WDR31: variants seen among roughly 807,000 people sequenced by gnomAD.
WDR31 encodes the protein WD repeat domain 31, also known as WD repeat-containing protein 31.
WDR31 carries 30 observed loss-of-function variants against 47.3 expected under a neutral mutation model. The ratio of observed to expected loss-of-function variants is 0.63; its 90% CI spans 0.47 to 0.86. The LOEUF is 0.86. Among genes scored for constraint, WDR31 ranks in the 40% least tolerant of loss-of-function variants. The pLI is 0.00. For synonymous variants in WDR31, 137 were observed against 159.4 expected, an observed-to-expected ratio of 0.86 and a Z score of 1.06; for missense variants, 406 against 442.9, an observed-to-expected ratio of 0.92 and a Z score of 0.75.
Position 113,313,702 on chromosome 9 carries a change from C to G in WDR31, c.*3047G>C, listed in dbSNP as rs1407025238. On this transcript the variant is annotated 3_prime_UTR_variant, in exon 11 of 11. Transcript: ENST00000374193. Reference sequence around the variant, plus strand: ...CATCTGTGAAATGGAAATCACAATACAGAGAATATTGGGAATAACAAATGA... The same window carrying G: ...CATCTGTGAAATGGAAATCACAATAGAGAGAATATTGGGAATAACAAATGA... 3 of 152,198 alleles carry G rather than the reference C, an allele frequency of 2.0e-5. No individual in the cohort carries two copies. Among genetic ancestry groups the G allele is most frequent in the South Asian group, 2.1e-4 (1 of 4,822 alleles). The allele number at this position is 152,198 out of a possible 1,614,324, so 9.4% of individuals were successfully genotyped here.
At chr9:113,335,668 A>G (rs1244086864) in intron 2 of WDR31, among the ~76,000 whole-genome samples, 2 of 152,208 alleles carry the variant, frequency 1.3e-5, no homozygotes, top group Non-Finnish European at 2.9e-5. Context: ...TGACGAGAAT[A>G]GGTAACCAAT....
Position 113,316,068 on chromosome 9 carries a change from C to T in WDR31, c.*681G>A, listed in dbSNP as rs1453517385. 1.3e-5 allele frequency: 2 copies of T among 152,192 alleles called. No individual in the cohort carries two copies. Among genetic ancestry groups the T allele is most frequent in the Non-Finnish European group, 2.9e-5 (2 of 68,020 alleles). 9.4% of individuals were successfully genotyped at this position (152,192 alleles called of 1,614,324 possible). On this transcript the variant is annotated 3_prime_UTR_variant, in exon 11 of 11. Transcript: ENST00000374193. Reference sequence around the variant, plus strand: ...CTAACTCCTGTAATTCTGGGCAATGCCCATGTGGTTCTTGGCTGCTTCAAG... The same window carrying T: ...CTAACTCCTGTAATTCTGGGCAATGTCCATGTGGTTCTTGGCTGCTTCAAG...
Position 113,322,898 on chromosome 9 carries a change from C to G in WDR31, c.483G>C (p.Leu161=). 1 of 1,614,164 alleles carries G rather than the reference C, an allele frequency of 6.2e-7. No individual in the cohort carries two copies. Among genetic ancestry groups the G allele is most frequent in the South Asian group, 1.1e-5 (1 of 91,078 alleles). Residue 161 remains leucine, a synonymous_variant, in exon 7 of 11, where the codon CTG becomes CTC. Transcript: ENST00000374193. ...GGGTGTTGTCCCGAGAGCCAGTGCA[C>G]AGCTGTGATGAGTCTTTGGAAACAA... The part of the protein sequence containing the change: ...GLAVSPDSSQ[L]CTGSRDNTLL...
rs567642997 is a variant in WDR31 at position 113,333,871 on chromosome 9, G to A, written c.-28-1821C>T. Among the ~76,000 whole-genome samples, 159 of 152,186 alleles carry A rather than the reference G, an allele frequency of 1.0e-3. 2 individuals are homozygous for A. The highest frequency in any genetic ancestry group is 5.8e-4 in the East Asian group (3 of 5,172). ...TGAGAGCCTTTCAGGGAGTTTGGGAGGACTTCTGTTTTCCAACCACATCTC... is the reference window on the plus strand; with the variant it reads ...TGAGAGCCTTTCAGGGAGTTTGGGAAGACTTCTGTTTTCCAACCACATCTC... On this transcript the variant is annotated intron_variant, in intron 2 of 10. Coordinates refer to ENST00000374193, the MANE Select transcript of WDR31 (RefSeq NM_001012361.4).
Position 113,322,873 on chromosome 9 carries a change from G to C in WDR31, c.508C>G (p.Leu170Val). 6.2e-7 allele frequency: 1 copy of C among 1,614,188 alleles called. No individual in the cohort carries two copies. The highest frequency in any genetic ancestry group is 8.5e-7 in the Non-Finnish European group (1 of 1,180,038). ...QLCTGSRDNT[L>V]LLWDVVTGQS... is the part of the protein sequence containing the mutation. ...CCTGTCACCACATCCCACAGAAGCA[G>C]GGTGTTGTCCCGAGAGCCAGTGCAC... is the stretch of plus-strand genomic sequence containing the variant. Residue 170 changes from leucine (L) to valine (V), a missense_variant, in exon 7 of 11, where the codon CTG (leucine) becomes GTG (valine). Physicochemically the swap from Leu to Val is conservative, Grantham distance 32 (BLOSUM62 1). Transcript: ENST00000374193.
At chr9:113,328,360 TTTTTGGTTCA>T (rs1364388765) in intron 5 of WDR31, among the ~76,000 whole-genome samples, 3 of 152,256 alleles carry the variant, frequency 2.0e-5, no homozygotes, top group Non-Finnish European at 4.4e-5. Context: ...TGTATCTTAA[TTTTTGGTTCA>T]TTTAGGCGGA....
intron 7 of WDR31, 46 bp downstream of exon 7, chr9:113,322,765 A>G (rs897881062): frequency 3.1e-6 from 5 of 1,592,228 alleles, no homozygotes; most frequent in Admixed American, 3.4e-5. Context: ...CCTTCACCCC[A>G]TGCTCCTTTC....
Position 113,316,275 on chromosome 9 carries a change from T to A in WDR31, c.*474A>T, listed in dbSNP as rs1278058517. The stretch of plus-strand genomic sequence containing the variant: ...ATCTCATTGTCTACAGTCCGTCTCC[T>A]CTATGGAGCTGCACTATTCTTTCCC... On this transcript the variant is annotated 3_prime_UTR_variant, in exon 11 of 11. Transcript: ENST00000374193. The A allele has an allele frequency of 6.5e-6, 1 of 153,898 alleles. No individual in the cohort carries two copies. Among genetic ancestry groups the A allele is most frequent in the African/African-American group, 2.4e-5 (1 of 41,490 alleles). 9.5% of individuals were successfully genotyped at this position (153,898 alleles called of 1,614,324 possible). A position where few individuals can be genotyped will look rare whatever the true frequency, so the allele number is the denominator to read the frequency against.
chr9:113,320,953 T>C (rs1473618599), intron 8 of WDR31, among the ~76,000 whole-genome samples: 2 of 151,834 alleles, frequency 1.3e-5, no homozygotes, highest in African/African-American at 2.4e-5. Context: ...CACTGGGGAG[T>C]GTTTTGTTTT....
chr9:113,333,333 G>C (rs1281613973), intron 2 of WDR31, among the ~76,000 whole-genome samples: 1 of 149,384 alleles, frequency 6.7e-6, no homozygotes, highest in Non-Finnish European at 1.5e-5. Context: ...AAAAGCCTCA[G>C]TTATTCTAAA....
intron 5 of WDR31, among the ~76,000 whole-genome samples, chr9:113,323,890 G>A (rs1026900735): frequency 6.6e-6 from 1 of 152,134 alleles, no homozygotes; most frequent in Non-Finnish European, 1.5e-5. Context: ...GTGAATCTCT[G>A]TTCCATTTTA....
chr9:113,326,639 T>C (rs1833476413), intron 5 of WDR31, among the ~76,000 whole-genome samples: 1 of 152,014 alleles, frequency 6.6e-6, no homozygotes, highest in African/African-American at 2.4e-5. Flanking sequence ...CCGAATATAT[T>C]TGTATTTTTA....
intron 10 of WDR31, 111 bp from the exon 11 acceptor site, chr9:113,317,020 C>T (rs1053131163): frequency 2.1e-5 from 27 of 1,272,714 alleles, no homozygotes; most frequent in South Asian, 1.2e-4. Flanking sequence ...ATATCTAACC[C>T]GTATGAGAGA....
rs1330667537 is a variant in WDR31, at chr9:113,332,062, AAAG to A, written c.-28-15_-28-13del. Reference sequence around the variant, plus strand: ...GGAAGTTGTGTTCCCTGTTTAATAAAAAGAAGAATACATGTTGTTAATTTTGTT... The same window carrying A: ...GGAAGTTGTGTTCCCTGTTTAATAAAAAGAATACATGTTGTTAATTTTGTT... On this transcript the variant is annotated splice_polypyrimidine_tract_variant and intron_variant, in intron 2 of 10. Coordinates refer to ENST00000374193, the MANE Select transcript of WDR31 (RefSeq NM_001012361.4). 3 of 1,560,136 alleles carry A rather than the reference AAAG, an allele frequency of 1.9e-6. No homozygotes were observed. The highest frequency in any genetic ancestry group is 2.7e-5 in the African/African-American group (2 of 73,738).
At chr9:113,337,600 C>T (rs1292116894) in intron 1 of WDR31, among the ~76,000 whole-genome samples, 1 of 151,702 alleles carries the variant, frequency 6.6e-6, no homozygotes, top group African/African-American at 2.4e-5. Context: ...TGAGTAGCTG[C>T]GATTACAGGT....
Position 113,328,911 on chromosome 9 carries a change from C to T in WDR31, c.294G>A (p.Arg98=), listed in dbSNP as rs137957616. The change falls in exon 5 of 11, where the codon AGG becomes AGA. Residue 98 remains arginine (R), a synonymous_variant. Coordinates refer to ENST00000374193, the MANE Select transcript of WDR31 (RefSeq NM_001012361.4). The stretch of plus-strand genomic sequence containing the variant: ...TGATCTCATGTTCATGTCCTTTGAA[C>T]CTTTTCACCACATTTCCAGTTTTCC... The part of the protein sequence containing the change: ...YNWKTGNVVK[R]FKGHEHEITK... 3.7e-4 allele frequency: 593 copies of T among 1,614,118 alleles called. 6 individuals carry two copies. The Admixed American group carries it at 8.7e-3, about 24-fold the overall frequency.
chr9:113,332,576 C>G (rs772642326), intron 2 of WDR31, among the ~76,000 whole-genome samples: 6 of 152,078 alleles, frequency 3.9e-5, no homozygotes, highest in Non-Finnish European at 5.9e-5. Flanking sequence ...TCTATGTATG[C>G]GAAATATCCA....
chr9:113,329,412 G>C (rs865911222), intron 4 of WDR31, among the ~76,000 whole-genome samples: 5 of 151,836 alleles, frequency 3.3e-5, no homozygotes, highest in Non-Finnish European at 4.4e-5. Context: ...AGGCCAAGGC[G>C]GGCAGATCAC....
chr9:113,335,306 T>C (rs1833692381), intron 2 of WDR31, among the ~76,000 whole-genome samples: 1 of 152,140 alleles, frequency 6.6e-6, no homozygotes. Context: ...GCATGAACAT[T>C]TGCTGGGACC....
Sources: gnomAD v4.1 joint callset for allele counts (sites outside exome capture counted in the v4.1 genomes callset) on GRCh38, gnomAD v4.1.1 for gene constraint, MANE v1.5 for transcripts, NCBI Gene and HGNC (gene_info 2026-07-23, HGNC 2026-07-21) for gene names.